Variants in CRY1 observed in about 807,000 individuals in gnomAD.
The protein encoded by CRY1 is cryptochrome-1.
CRY1 carries 45 observed loss-of-function variants against 76.0 expected under a neutral mutation model. That is an observed-to-expected ratio of 0.59 (90% CI 0.47 to 0.76). The LOEUF is 0.76. Among genes scored for constraint, CRY1 ranks in the 30% least tolerant of loss-of-function variants. The pLI is 0.00. For missense variants in CRY1, 587 were observed against 716.4 expected, an observed-to-expected ratio of 0.82 and a Z score of 2.06; for synonymous variants, 248 against 244.0, an observed-to-expected ratio of 1.02 and a Z score of -0.15.
At chr12:107,082,729 A>C (rs1317628799) in intron 1 of CRY1, among the ~76,000 whole-genome samples, 1 of 152,236 alleles carries the variant, frequency 6.6e-6, no homozygotes, top group Admixed American at 6.5e-5. Context: ...CTAAATGTCC[A>C]TATCAGAAAG....
chr12:107,056,673 A>G lies in CRY1; in HGVS notation c.159-34481T>C, dbSNP rs1593529140. On this transcript the variant is annotated intron_variant, in intron 1 of 12. Transcript: ENST00000008527. Reference sequence around the variant, plus strand: ...CTTCCAATGTGGCCCAGGGAAGCCAAAAGATTGTTCTAGAGGAAGACAACC... The same window carrying G: ...CTTCCAATGTGGCCCAGGGAAGCCAGAAGATTGTTCTAGAGGAAGACAACC... Among the ~76,000 whole-genome samples the G allele has an allele frequency of 2.6e-5, 4 of 152,206 alleles. No homozygotes were observed. In the East Asian group the frequency reaches 7.7e-4, roughly 29 times the overall value.
chr12:107,031,372 T>TTTC (rs1295544368), intron 1 of CRY1, among the ~76,000 whole-genome samples: 5 of 146,286 alleles, frequency 3.4e-5, no homozygotes, highest in Admixed American at 6.8e-5. Flanking sequence ...ACATAAATCT[T>TTTC]TTTTTTTTTT....
chr12:107,077,158 C>T (rs1387868493), intron 1 of CRY1, among the ~76,000 whole-genome samples: 1 of 151,528 alleles, frequency 6.6e-6, no homozygotes, highest in Non-Finnish European at 1.5e-5. Context: ...AACACATACA[C>T]ACAAACACAC....
rs747723491 is a variant in CRY1 at position 107,001,943 on chromosome 12, A to T, written c.416T>A (p.Ile139Lys). The part of the protein sequence containing the change: ...SHTLYDLDKI[I>K]ELNGGQPPLT... ...AGGCGGTTGTCCACCATTGAGTTCT[A>T]TGATCCTATAACAAGAGTTAGTAAA... Residue 139 changes from isoleucine to lysine, a missense_variant, in exon 4 of 13, where the codon ATA (isoleucine) becomes AAA (lysine). By Grantham distance (102) the Ile-to-Lys change is moderately radical. Coordinates refer to ENST00000008527, the MANE Select transcript of CRY1 (RefSeq NM_004075.5). The T allele has an allele frequency of 6.3e-7, 1 of 1,582,968 alleles. No homozygotes were observed. The highest frequency in any genetic ancestry group is 8.5e-7 in the Non-Finnish European group (1 of 1,171,224).
At chr12:107,076,046 T>C (rs1953248083) in intron 1 of CRY1, among the ~76,000 whole-genome samples, 1 of 151,640 alleles carries the variant, frequency 6.6e-6, no homozygotes, top group African/African-American at 2.4e-5. Context: ...CAAGTAAAAA[T>C]ACTAGATAGG....
intron 1 of CRY1, among the ~76,000 whole-genome samples, chr12:107,074,288 A>T (rs879907744): frequency 6.6e-6 from 1 of 152,214 alleles, no homozygotes; most frequent in Non-Finnish European, 1.5e-5. Context: ...ACATTCTCTA[A>T]GACATATACA....
At position 107,000,020 on chromosome 12, in the gene CRY1, A is replaced by T; in HGVS notation, c.747T>A (p.Thr249=). ...CAAATCGGAGATAAGGACTAAGTCCAGTAGGGCTTGCAAGCAGAGAATTCG... is the reference window on the plus strand; with the variant it reads ...CAAATCGGAGATAAGGACTAAGTCCTGTAGGGCTTGCAAGCAGAGAATTCG... ...MNANSLLASP[T]GLSPYLRFGC... Residue 249 remains threonine (T), a synonymous_variant, in exon 6 of 13, where the codon ACT becomes ACA. Transcript: ENST00000008527. 6.2e-7 allele frequency: 1 copy of T among 1,612,548 alleles called. No homozygotes were observed. The highest frequency in any genetic ancestry group is 8.5e-7 in the Non-Finnish European group (1 of 1,179,682).
Position 107,005,250 on chromosome 12 carries a change from T to C in CRY1, c.268-2A>G. The C allele has an allele frequency of 6.2e-7, 1 of 1,607,744 alleles. No homozygotes were observed. On this transcript the variant is annotated splice_acceptor_variant, in intron 2 of 12. Transcript: ENST00000008527. LOFTEE classifies it high-confidence loss of function. The stretch of plus-strand genomic sequence containing the variant: ...TGAAAGTTTAGTAATGTTCCATTCC[T>C]AAAGTAAGAGAAAGGGGAACAATGT...
intron 2 of CRY1, among the ~76,000 whole-genome samples, chr12:107,018,881 A>G (rs2136841261): frequency 1.3e-5 from 2 of 152,256 alleles, no homozygotes; most frequent in East Asian, 3.9e-4. Flanking sequence ...TCCTGAATCT[A>G]CTCCTTATAA....
rs114009246 is a variant in CRY1, at chr12:107,042,165, C to G, written c.159-19973G>C. Among the ~76,000 whole-genome samples the G allele has an allele frequency of 2.4e-3, 368 of 152,182 alleles. 4 individuals carry two copies. Among genetic ancestry groups the G allele is most frequent in the African/African-American group, 8.2e-3 (341 of 41,518 alleles). On this transcript the variant is annotated intron_variant, in intron 1 of 12. Transcript: ENST00000008527. ...AATTAAATCAATGAGGGAGAAGGAA[C>G]AACTCTTCATTACAGAAGAATTCCA...
intron 1 of CRY1, among the ~76,000 whole-genome samples, chr12:107,026,389 C>T (rs1952616035): frequency 6.6e-6 from 1 of 150,630 alleles, no homozygotes; most frequent in Admixed American, 6.7e-5. Flanking sequence ...GTGCTACCAC[C>T]CTGGCTAATT....
chr12:106,999,991 C>T lies in CRY1; in HGVS notation c.776G>A (p.Cys259Tyr). The change falls in exon 6 of 13, where the codon TGT (cysteine) becomes TAT (tyrosine). Residue 259 changes from cysteine (C) to tyrosine (Y), a missense_variant. By Grantham distance (194) the Cys-to-Tyr change is radical (BLOSUM62 -2). Coordinates refer to ENST00000008527, the MANE Select transcript of CRY1 (RefSeq NM_004075.5). ...GAAGTAAAACAGTCGACATGACAAA[C>T]AACCAAATCGGAGATAAGGACTAAG... Reference protein sequence around the residue: ...TGLSPYLRFGCLSCRLFYFKL... With the variant: ...TGLSPYLRFGYLSCRLFYFKL... 6.2e-7 allele frequency: 1 copy of T among 1,612,940 alleles called. No individual in the cohort carries two copies. The highest frequency in any genetic ancestry group is 8.5e-7 in the Non-Finnish European group (1 of 1,179,784).
intron 1 of CRY1, among the ~76,000 whole-genome samples, chr12:107,045,461 A>G (rs1352784584): frequency 1.3e-5 from 2 of 152,142 alleles, no homozygotes; most frequent in Non-Finnish European, 2.9e-5. Flanking sequence ...AGATAGAGAC[A>G]AGCATGGCCA....
chr12:107,004,980 T>C (rs879410358), intron 3 of CRY1, 126 bp downstream of exon 3: 81 of 777,670 alleles, frequency 1.0e-4, no homozygotes, highest in Middle Eastern at 3.2e-4. Context: ...ATTTCTACTT[T>C]ATAAACCTCA....
chr12:107,040,723 G>C (rs1952789365), intron 1 of CRY1, among the ~76,000 whole-genome samples: 1 of 151,948 alleles, frequency 6.6e-6, no homozygotes, highest in Admixed American at 6.6e-5. Context: ...AAAAAGAAGA[G>C]GGAAGAGTAG....
intron 1 of CRY1, among the ~76,000 whole-genome samples, chr12:107,088,033 C>T (rs892361856): frequency 1.4e-4 from 22 of 151,954 alleles, no homozygotes; most frequent in Admixed American, 2.0e-4. Flanking sequence ...AGTGATACCC[C>T]GTCTCAAAAA....
In CRY1 at chr12:107,092,963, C is replaced by A; in HGVS notation, c.-2G>T. ...CCAGTGCACGGCGTTCACCCCCATGCCGGGGGGCGCGGCGGGTCCTCCACG... is the reference window on the plus strand; with the variant it reads ...CCAGTGCACGGCGTTCACCCCCATGACGGGGGGCGCGGCGGGTCCTCCACG... On this transcript the variant is annotated 5_prime_UTR_variant, in exon 1 of 13. Coordinates refer to ENST00000008527, the MANE Select transcript of CRY1 (RefSeq NM_004075.5). The A allele has an allele frequency of 6.5e-7, 1 of 1,538,530 alleles. No individual in the cohort carries two copies. The highest frequency in any genetic ancestry group is 8.7e-7 in the Non-Finnish European group (1 of 1,146,732).
rs935888919 is a variant in CRY1 at position 107,007,456 on chromosome 12, AATGC to A, written c.268-2212_268-2209del. Among the ~76,000 whole-genome samples, 95 of 152,304 alleles carry A rather than the reference AATGC, an allele frequency of 6.2e-4. 1 individual carries two copies. The highest frequency in any genetic ancestry group is 2.2e-3 in the African/African-American group (91 of 41,574). ...GGGTTGCTAAAGAATTAAATAACAT[AATGC>A]ATATAGAGTGTTTAGGACAGAGCAC... is the stretch of plus-strand genomic sequence containing the variant. On this transcript the variant is annotated intron_variant, in intron 2 of 12. Coordinates refer to ENST00000008527, the MANE Select transcript of CRY1 (RefSeq NM_004075.5).
chr12:107,060,162 TCAAA>T (rs1022532670), intron 1 of CRY1, among the ~76,000 whole-genome samples: 74 of 152,356 alleles, frequency 4.9e-4, no homozygotes, highest in Admixed American at 2.7e-3. Context: ...CATTTAATAC[TCAAA>T]CAATTCTATG....
Sources: allele counts gnomAD v4.1 joint callset (sites outside exome capture counted in the v4.1 genomes callset), GRCh38; gene constraint gnomAD v4.1.1; transcripts MANE v1.5; gene names NCBI Gene and HGNC (gene_info 2026-07-23, HGNC 2026-07-21).